INPP4B: variants seen among roughly 807,000 people sequenced by gnomAD.
INPP4B encodes inositol polyphosphate 4-phosphatase type II.
In INPP4B, 55 loss-of-function variants were observed where a neutral mutation model predicts 122.5. The observed-to-expected ratio is 0.45, with a 90% confidence interval of 0.36 to 0.56. The LOEUF (loss-of-function observed/expected upper bound fraction) is 0.56. Ranked by LOEUF, INPP4B falls within the 20% of genes least tolerant of loss-of-function variation. The pLI, the probability that INPP4B is intolerant of heterozygous loss-of-function variation, is 0.00. For synonymous variants in INPP4B, 403 were observed against 388.7 expected, an observed-to-expected ratio of 1.04 and a Z score of -0.43; for missense variants, 1,000 against 1,097.7, an observed-to-expected ratio of 0.91 and a Z score of 1.26.
intron 9 of INPP4B, among the ~76,000 whole-genome samples, chr4:142,279,801 A>G (rs111893394): frequency 2.8e-4 from 42 of 152,028 alleles, no homozygotes; most frequent in African/African-American, 9.2e-4. Flanking sequence ...TTACAATAAT[A>G]AAAAGACAAG....
At chr4:142,641,321 C>A (rs1293859383) in intron 2 of INPP4B, among the ~76,000 whole-genome samples, 3 of 151,924 alleles carry the variant, frequency 2.0e-5, no homozygotes, top group African/African-American at 7.3e-5. Flanking sequence ...GCACAATGTG[C>A]AGGTTTGTTA....
intron 7 of INPP4B, among the ~76,000 whole-genome samples, chr4:142,353,467 T>C (rs1782587046): frequency 6.6e-6 from 1 of 152,010 alleles, no homozygotes; most frequent in Non-Finnish European, 1.5e-5. Flanking sequence ...TCAGAAGTTT[T>C]TAAAAGGTCA....
At chr4:142,164,001 C>G (rs1821432194) in intron 16 of INPP4B, among the ~76,000 whole-genome samples, 1 of 151,694 alleles carries the variant, frequency 6.6e-6, no homozygotes, top group East Asian at 1.9e-4. Flanking sequence ...AGAATAAACT[C>G]TGAACGTAAG....
At chr4:142,281,361 A>T (rs1255012583) in intron 9 of INPP4B, among the ~76,000 whole-genome samples, 1 of 151,266 alleles carries the variant, frequency 6.6e-6, no homozygotes, top group Non-Finnish European at 1.5e-5. Context: ...TGCTTCTTCA[A>T]CAAAAACTTT....
chr4:142,427,868 T>A (rs1439906115), intron 5 of INPP4B, among the ~76,000 whole-genome samples: 1 of 151,984 alleles, frequency 6.6e-6, no homozygotes, highest in Non-Finnish European at 1.5e-5. Context: ...GCCTTTCTTT[T>A]GCTCTTCAGC....
At chr4:142,041,275 A>G (rs1182977171) in intron 25 of INPP4B, among the ~76,000 whole-genome samples, 1 of 152,178 alleles carries the variant, frequency 6.6e-6, no homozygotes, top group Non-Finnish European at 1.5e-5. Context: ...AGAATTATGT[A>G]AAGGTACTCA....
intron 11 of INPP4B, 44 bp from the exon 12 acceptor site, chr4:142,238,055 G>A (rs769067588): frequency 2.0e-6 from 2 of 994,696 alleles, no homozygotes; most frequent in East Asian, 2.5e-5. Flanking sequence ...CTAAGCAAAT[G>A]CATGTCAGGT....
intron 2 of INPP4B, among the ~76,000 whole-genome samples, chr4:142,516,050 T>C (rs1294163750): frequency 1.3e-5 from 2 of 152,152 alleles, no homozygotes; most frequent in Non-Finnish European, 2.9e-5. Context: ...CATCCAAAAA[T>C]TTAATTCTCA....
chr4:142,194,108 C>A (rs929980622), intron 14 of INPP4B, among the ~76,000 whole-genome samples: 8 of 152,086 alleles, frequency 5.3e-5, no homozygotes, highest in Non-Finnish European at 1.0e-4. Context: ...CAGGTAAATA[C>A]CATAACTTCT....
At chr4:142,047,276 C>CCA (rs5862568) in intron 25 of INPP4B, among the ~76,000 whole-genome samples, 142,982 of 152,080 alleles carry the variant, frequency 0.94, 67,868 homozygotes, top group East Asian at 1. Context: ...TCTAAGGGCA[C>CCA]CAGTTTTTTT....
intron 2 of INPP4B, among the ~76,000 whole-genome samples, chr4:142,626,983 C>G (rs1029462268): frequency 2.0e-5 from 3 of 151,976 alleles, no homozygotes; most frequent in Admixed American, 6.6e-5. Context: ...ATTAAAGGAT[C>G]CTGCTTGGGA....
chr4:142,096,990 T>C (rs1782094533), intron 23 of INPP4B, among the ~76,000 whole-genome samples: 1 of 152,070 alleles, frequency 6.6e-6, no homozygotes. Context: ...TCAGTATTTC[T>C]TAATCTATGT....
At chr4:142,575,166 A>T (rs900562863) in intron 2 of INPP4B, among the ~76,000 whole-genome samples, 3 of 152,020 alleles carry the variant, frequency 2.0e-5, no homozygotes, top group African/African-American at 7.2e-5. Flanking sequence ...CTCTCAGTTC[A>T]GTCCCAAATC....
rs191569996 is a variant in INPP4B at position 142,369,771 on chromosome 4, A to G, written c.372+33167T>C. Among the ~76,000 whole-genome samples, 4 of 151,786 alleles carry G rather than the reference A, an allele frequency of 2.6e-5. No homozygotes were observed. In the East Asian group the frequency reaches 5.9e-4, roughly 22 times the overall value. On this transcript the variant is annotated intron_variant, in intron 7 of 25. Coordinates refer to ENST00000262992, the MANE Select transcript of INPP4B (RefSeq NM_001101669.3). ...GTGAAACCCCGTCTGTACCAAAAAC[A>G]TATTTAAAAAAATAACAGGTGTGGT... is the stretch of plus-strand genomic sequence containing the variant.
chr4:142,165,143 T>C (rs1822099532), intron 16 of INPP4B, among the ~76,000 whole-genome samples: 1 of 151,790 alleles, frequency 6.6e-6, no homozygotes, highest in Non-Finnish European at 1.5e-5. Flanking sequence ...GCAAAGCCCT[T>C]AGAGTTCAGA....
intron 3 of INPP4B, among the ~76,000 whole-genome samples, chr4:142,431,977 C>A (rs1390219189): frequency 5.3e-5 from 8 of 151,924 alleles, no homozygotes; most frequent in Admixed American, 5.3e-4. Context: ...ATGGTATATG[C>A]TGAAAAGAAT....
intron 2 of INPP4B, among the ~76,000 whole-genome samples, chr4:142,485,918 T>A (rs868397839): frequency 7.9e-5 from 12 of 152,130 alleles, no homozygotes; most frequent in Admixed American, 7.9e-4. Flanking sequence ...TAAACAATGC[T>A]TCCCAGCCTT....
chr4:142,553,844 A>G (rs1728518559), intron 2 of INPP4B, among the ~76,000 whole-genome samples: 1 of 151,940 alleles, frequency 6.6e-6, no homozygotes, highest in African/African-American at 2.4e-5. Flanking sequence ...TGATTTTCTT[A>G]TGTGTTCATT....
chr4:142,440,390 G>C (rs562655473), intron 3 of INPP4B, among the ~76,000 whole-genome samples: 2 of 152,318 alleles, frequency 1.3e-5, no homozygotes, highest in African/African-American at 4.8e-5. Context: ...GAAGGGGAGA[G>C]TCCTGGCAAT....
Sources: allele counts gnomAD v4.1 joint callset (sites outside exome capture counted in the v4.1 genomes callset), GRCh38; gene constraint gnomAD v4.1.1; transcripts MANE v1.5; gene names NCBI Gene and HGNC (gene_info 2026-07-23, HGNC 2026-07-21).